RNLS: variants seen among roughly 807,000 people sequenced by gnomAD.
The protein encoded by RNLS is renalase.
In RNLS, 39 loss-of-function variants were observed where a neutral mutation model predicts 39.8. The ratio of observed to expected loss-of-function variants is 0.98; its 90% confidence interval spans 0.76 to 1.28. The LOEUF (loss-of-function observed/expected upper bound fraction) is 1.28, where lower values mean the gene tolerates loss of function less well. Ranked by LOEUF, RNLS falls within the 50% of genes most tolerant of loss-of-function variation. RNLS has a pLI of 0.00. For synonymous variants in RNLS, 147 were observed against 150.7 expected, an observed-to-expected ratio of 0.98 and a Z score of 0.18; for missense variants, 410 against 413.3, an observed-to-expected ratio of 0.99 and a Z score of 0.07.
chr10:88,577,536 C>G (rs897308228), intron 3 of RNLS, among the ~76,000 whole-genome samples: 1 of 152,116 alleles, frequency 6.6e-6, no homozygotes, highest in Non-Finnish European at 1.5e-5. Flanking sequence ...AAACTACATA[C>G]GTAAAGTACC....
the RNLS span, among the ~76,000 whole-genome samples, chr10:88,185,163 G>A: frequency 0.14 from 21,458 of 152,046 alleles, 1,878 homozygotes; most frequent in Non-Finnish European, 0.2. Flanking sequence ...ACACAAATAT[G>A]GGGACGAGAG....
At chr10:88,404,720 G>T (rs1184034000) in intron 4 of RNLS, among the ~76,000 whole-genome samples, 2 of 151,952 alleles carry the variant, frequency 1.3e-5, no homozygotes, top group Non-Finnish European at 2.9e-5. Context: ...AAGAACTGCA[G>T]CAAAGAGAAA....
chr10:88,485,634 T>C (rs1461221479), intron 4 of RNLS, among the ~76,000 whole-genome samples: 2 of 74,814 alleles, frequency 2.7e-5, no homozygotes, highest in Non-Finnish European at 4.8e-5. Context: ...TTATATACAA[T>C]GAAAAACCAA....
At chr10:88,477,811 A>G (rs1476230290) in intron 4 of RNLS, among the ~76,000 whole-genome samples, 6 of 152,190 alleles carry the variant, frequency 3.9e-5, no homozygotes, top group Admixed American at 3.9e-4. Context: ...CCAAGTTCAC[A>G]CAGCTGTCCA....
chr10:88,330,457 A>C (rs1041376455), intron 5 of RNLS, among the ~76,000 whole-genome samples: 2 of 152,130 alleles, frequency 1.3e-5, no homozygotes, highest in Non-Finnish European at 2.9e-5. Context: ...GAGATAGAAT[A>C]TCTCTCTTAA....
At chr10:88,510,752 C>T (rs1846071338) in intron 4 of RNLS, among the ~76,000 whole-genome samples, 1 of 151,256 alleles carries the variant, frequency 6.6e-6, no homozygotes, top group Non-Finnish European at 1.5e-5. Flanking sequence ...GAGGCTGAAG[C>T]AGGAGAATCG....
chr10:88,531,676 C>A (rs948616815), intron 4 of RNLS, among the ~76,000 whole-genome samples: 1 of 152,064 alleles, frequency 6.6e-6, no homozygotes, highest in Non-Finnish European at 1.5e-5. Flanking sequence ...TAAGTCAGGG[C>A]ACCATCTTCT....
chr10:88,317,534 T>A (rs188329731), intron 5 of RNLS, among the ~76,000 whole-genome samples: 3 of 152,234 alleles, frequency 2.0e-5, no homozygotes, highest in African/African-American at 7.2e-5. Flanking sequence ...TTCCTGGGTA[T>A]AGGCAGAGCA....
At chr10:88,527,615 C>T (rs1324951601) in intron 4 of RNLS, among the ~76,000 whole-genome samples, 7 of 152,128 alleles carry the variant, frequency 4.6e-5, no homozygotes, top group South Asian at 2.1e-4. Flanking sequence ...TTGAAATGGT[C>T]GAAATCTTTC....
chr10:88,541,268 C>T (rs866297400), intron 4 of RNLS, among the ~76,000 whole-genome samples: 2 of 152,128 alleles, frequency 1.3e-5, no homozygotes, highest in Admixed American at 6.6e-5. Context: ...ATTTAGATAA[C>T]GATCGAAAGG....
At chr10:88,245,197 AAC>A in the RNLS span, among the ~76,000 whole-genome samples, 1 of 152,248 alleles carries the variant, frequency 6.6e-6, no homozygotes, top group East Asian at 1.9e-4. Context: ...AAGAAGAAAT[AAC>A]AGTTGTTGCT....
At chr10:88,380,643 C>T (rs78765429) in intron 4 of RNLS, among the ~76,000 whole-genome samples, 1 of 151,954 alleles carries the variant, frequency 6.6e-6, no homozygotes, top group African/African-American at 2.4e-5. Context: ...CTCGGCCTCC[C>T]GAAGTGCTGG....
At chr10:88,209,354 A>G in the RNLS span, among the ~76,000 whole-genome samples, 1 of 152,142 alleles carries the variant, frequency 6.6e-6, no homozygotes, top group Non-Finnish European at 1.5e-5. Flanking sequence ...GGTGTCTCAT[A>G]TAAAGAAGAG....
At chr10:88,327,885 GAGCCACTGCGCCC>G (rs1318550597) in intron 5 of RNLS, among the ~76,000 whole-genome samples, 2 of 151,450 alleles carry the variant, frequency 1.3e-5, no homozygotes, top group Non-Finnish European at 2.9e-5. Context: ...TTATAGGCGT[GAGCCACTGCGCCC>G]AGCCAATTTA....
chr10:88,443,813 A>G (rs1841872539), intron 4 of RNLS, among the ~76,000 whole-genome samples: 1 of 152,218 alleles, frequency 6.6e-6, no homozygotes, highest in Non-Finnish European at 1.5e-5. Flanking sequence ...TAGGTAAACA[A>G]AGCAGCCAGG....
chr10:88,414,902 C>CT (rs1853918260), intron 4 of RNLS, among the ~76,000 whole-genome samples: 1 of 152,092 alleles, frequency 6.6e-6, no homozygotes, highest in South Asian at 2.1e-4. Context: ...GAGGAGCATT[C>CT]AGGAAGTCAG....
At chr10:88,313,710 G>A (rs11592494) in intron 6 of RNLS, among the ~76,000 whole-genome samples, 4 of 152,260 alleles carry the variant, frequency 2.6e-5, no homozygotes, top group African/African-American at 9.6e-5. Context: ...AACAAGCTCA[G>A]AAATCCCAGG....
chr10:88,350,584 G>A (rs1374064229), intron 5 of RNLS, among the ~76,000 whole-genome samples: 1 of 152,128 alleles, frequency 6.6e-6, no homozygotes, highest in African/African-American at 2.4e-5. Flanking sequence ...TGGCTGCATA[G>A]TATTCCATGG....
At chr10:88,244,205 A>G in the RNLS span, among the ~76,000 whole-genome samples, 1 of 152,126 alleles carries the variant, frequency 6.6e-6, no homozygotes, top group Non-Finnish European at 1.5e-5. Context: ...ATGCTGACCT[A>G]TATTCCAGTG....
Sources: gnomAD v4.1 joint callset for allele counts (sites outside exome capture counted in the v4.1 genomes callset) on GRCh38, gnomAD v4.1.1 for gene constraint, MANE v1.5 for transcripts, NCBI Gene and HGNC (gene_info 2026-07-23, HGNC 2026-07-21) for gene names.